SLC14A2: variants seen among roughly 807,000 people sequenced by gnomAD.
The protein encoded by SLC14A2 is solute carrier family 14 member 2.
In SLC14A2, 91 loss-of-function variants were observed where a neutral mutation model predicts 104.6. The ratio of observed to expected loss-of-function variants is 0.87; its 90% CI spans 0.73 to 1.04. The LOEUF (loss-of-function observed/expected upper bound fraction) is 1.04, where lower values mean the gene tolerates loss of function less well. SLC14A2 is among the 50% of genes least tolerant of loss of function. SLC14A2 has a pLI of 0.00. For synonymous variants in SLC14A2, 476 were observed against 466.4 expected (o/e 1.02, Z -0.27); for missense variants, 1,189 against 1,156.0 (o/e 1.03, Z -0.41).
intron 2 of SLC14A2, chr18:45,550,330 C>A (rs1264971456): frequency 6.6e-6 from 1 of 152,224 alleles, no homozygotes; most frequent in Non-Finnish European, 1.5e-5. Flanking sequence ...CTCCCTGAAC[C>A]CCCCAGTTCT....
At chr18:45,444,743 G>A (rs2086736216) in intron 1 of SLC14A2, among the ~76,000 whole-genome samples, 1 of 152,176 alleles carries the variant, frequency 6.6e-6, no homozygotes, top group South Asian at 2.1e-4. Context: ...CTCTTTAAAA[G>A]TGGGAGCCAG....
intron 1 of SLC14A2, among the ~76,000 whole-genome samples, chr18:45,389,409 G>T: frequency 6.6e-6 from 1 of 152,176 alleles, no homozygotes; most frequent in Non-Finnish European, 1.5e-5. Context: ...GTGGTCAAAT[G>T]AGGCTTTTCC....
At chr18:45,461,473 C>T (rs2087043875) in intron 1 of SLC14A2, among the ~76,000 whole-genome samples, 1 of 152,204 alleles carries the variant, frequency 6.6e-6, no homozygotes, top group Admixed American at 6.5e-5. Context: ...ACAATCTATT[C>T]CTTAGAACCT....
intron 2 of SLC14A2, among the ~76,000 whole-genome samples, chr18:45,536,744 A>G (rs1340976155): frequency 6.6e-6 from 1 of 152,234 alleles, no homozygotes; most frequent in Non-Finnish European, 1.5e-5. Flanking sequence ...GCTGCATATG[A>G]ATGGCAGCAA....
At chr18:45,222,774 C>G (rs947802001) in intron 1 of SLC14A2, among the ~76,000 whole-genome samples, 4 of 152,208 alleles carry the variant, frequency 2.6e-5, no homozygotes, top group African/African-American at 7.2e-5. Flanking sequence ...TTGTTTAATA[C>G]TTCTTATCCA....
At chr18:45,269,966 G>C (rs1462664228) in intron 1 of SLC14A2, among the ~76,000 whole-genome samples, 1 of 152,054 alleles carries the variant, frequency 6.6e-6, no homozygotes, top group Non-Finnish European at 1.5e-5. Flanking sequence ...TTAACTACTT[G>C]TGGCCTTTCT....
chr18:45,192,644 T>G, the SLC14A2 span, among the ~76,000 whole-genome samples: 2 of 146,150 alleles, frequency 1.4e-5, no homozygotes, highest in African/African-American at 5.4e-5. Context: ...GTGGTTTTTT[T>G]TTGTTTTGTT....
chr18:45,215,622 A>T (rs916718195), intron 1 of SLC14A2, among the ~76,000 whole-genome samples: 1 of 152,210 alleles, frequency 6.6e-6, no homozygotes, highest in Non-Finnish European at 1.5e-5. Context: ...TTTCTTCCAT[A>T]GGAGAGAGAT....
intron 2 of SLC14A2, among the ~76,000 whole-genome samples, chr18:45,567,063 T>TGTGTGG (rs2044276729): frequency 9.7e-6 from 1 of 102,802 alleles, no homozygotes; most frequent in South Asian, 2.4e-4. Context: ...ATAGTGTGTG[T>TGTGTGG]GTGTGTGTGT....
intron 2 of SLC14A2, among the ~76,000 whole-genome samples, chr18:45,609,898 G>A (rs1194084119): frequency 6.6e-6 from 1 of 152,182 alleles, no homozygotes; most frequent in African/African-American, 2.4e-5. Flanking sequence ...AAAGACTGAG[G>A]TGCTTGCCAT....
At chr18:45,441,184 C>T (rs566763505) in intron 1 of SLC14A2, among the ~76,000 whole-genome samples, 9 of 152,260 alleles carry the variant, frequency 5.9e-5, no homozygotes, top group African/African-American at 2.2e-4. Flanking sequence ...AGCCTCACTG[C>T]TCAGAAAAAT....
intron 2 of SLC14A2, among the ~76,000 whole-genome samples, chr18:45,518,310 C>A (rs2543029): frequency 0.74 from 113,119 of 152,054 alleles, 42,505 homozygotes; most frequent in Non-Finnish European, 0.82. Context: ...TTTTGAATGA[C>A]TAATGATCCT....
chr18:45,558,352 C>T (rs946301820), intron 2 of SLC14A2, among the ~76,000 whole-genome samples: 1 of 152,180 alleles, frequency 6.6e-6, no homozygotes, highest in Admixed American at 6.5e-5. Context: ...ATCTGTGAGT[C>T]TGGCTCATCA....
chr18:45,642,836 A>G (rs2045553830), intron 8 of SLC14A2, among the ~76,000 whole-genome samples: 1 of 152,246 alleles, frequency 6.6e-6, no homozygotes, highest in Non-Finnish European at 1.5e-5. Flanking sequence ...TATGATGTGT[A>G]TTGACCCCTG....
chr18:45,603,989 T>G (rs2044827597), intron 2 of SLC14A2, among the ~76,000 whole-genome samples: 1 of 152,384 alleles, frequency 6.6e-6, no homozygotes, highest in Non-Finnish European at 1.5e-5. Context: ...CATAATTAAG[T>G]GGCTCACTTT....
At chr18:45,231,915 G>A (rs1483131573) in intron 1 of SLC14A2, among the ~76,000 whole-genome samples, 1 of 152,142 alleles carries the variant, frequency 6.6e-6, no homozygotes, top group Admixed American at 6.6e-5. Context: ...TGTGTGAAAA[G>A]TGTTAACAAA....
chr18:45,319,077 T>C (rs1264957654), intron 1 of SLC14A2, among the ~76,000 whole-genome samples: 1 of 152,184 alleles, frequency 6.6e-6, no homozygotes, highest in Non-Finnish European at 1.5e-5. Flanking sequence ...GGCTTCCACG[T>C]GAAGACTTCC....
chr18:45,245,801 T>C (rs1263516930), intron 1 of SLC14A2, among the ~76,000 whole-genome samples: 1 of 152,260 alleles, frequency 6.6e-6, no homozygotes, highest in Admixed American at 6.5e-5. Flanking sequence ...TAATTATTCA[T>C]TCATTTTTGT....
At chr18:45,233,904 C>T (rs2084200565) in intron 1 of SLC14A2, among the ~76,000 whole-genome samples, 1 of 151,084 alleles carries the variant, frequency 6.6e-6, no homozygotes, top group Non-Finnish European at 1.5e-5. Context: ...TTTTTTTGGG[C>T]AAGGAGTGAG....
Sources: gnomAD v4.1 joint callset for allele counts (sites outside exome capture counted in the v4.1 genomes callset) on GRCh38, gnomAD v4.1.1 for gene constraint, MANE v1.5 for transcripts, NCBI Gene and HGNC (gene_info 2026-07-23, HGNC 2026-07-21) for gene names.